KCNIP4: variants seen among roughly 807,000 people sequenced by gnomAD.
The protein encoded by KCNIP4 is potassium voltage-gated channel interacting protein 4.
A neutral mutation model predicts 34.0 loss-of-function variants in KCNIP4; 12 were observed. The observed-to-expected ratio is 0.35, with a 90% confidence interval of 0.23 to 0.57. The LOEUF is 0.57. KCNIP4 is among the 20% of genes least tolerant of loss of function. The pLI is 0.83. For synonymous variants in KCNIP4, 124 were observed against 102.2 expected, an observed-to-expected ratio of 1.21 and a Z score of -1.29; for missense variants, 238 against 311.7, an observed-to-expected ratio of 0.76 and a Z score of 1.78.
At chr4:21,747,770 C>G (rs1716871176) in intron 1 of KCNIP4, among the ~76,000 whole-genome samples, 2 of 152,216 alleles carry the variant, frequency 1.3e-5, no homozygotes, top group Non-Finnish European at 1.5e-5. Context: ...TCACACCCAC[C>G]TGGAATCTCA....
At chr4:21,213,679 A>G (rs1292198416) in intron 1 of KCNIP4, among the ~76,000 whole-genome samples, 1 of 152,156 alleles carries the variant, frequency 6.6e-6, no homozygotes, top group Admixed American at 6.5e-5. Flanking sequence ...CTTTGGGATT[A>G]CAGGCATAAA....
intron 1 of KCNIP4, among the ~76,000 whole-genome samples, chr4:21,198,566 G>C (rs972463471): frequency 1.3e-5 from 2 of 152,180 alleles, no homozygotes; most frequent in Non-Finnish European, 2.9e-5. Flanking sequence ...GCAGTCTCCT[G>C]TATGCAAGTC....
intron 1 of KCNIP4, among the ~76,000 whole-genome samples, chr4:21,002,062 T>A (rs891541318): frequency 3.9e-5 from 6 of 152,318 alleles, no homozygotes; most frequent in African/African-American, 1.4e-4. Flanking sequence ...ACAAGTCAAC[T>A]TTGTTATAGT....
intron 1 of KCNIP4, among the ~76,000 whole-genome samples, chr4:21,699,528 A>C (rs1712654410): frequency 6.6e-6 from 1 of 152,184 alleles, no homozygotes; most frequent in Admixed American, 6.5e-5. Flanking sequence ...TCTCTAAGAA[A>C]AGAAGTTAAG....
At chr4:21,620,117 C>G (rs1262456473) in intron 1 of KCNIP4, among the ~76,000 whole-genome samples, 1 of 152,138 alleles carries the variant, frequency 6.6e-6, no homozygotes, top group East Asian at 1.9e-4. Flanking sequence ...TCTGGAAATC[C>G]ATGAATGGAG....
intron 1 of KCNIP4, among the ~76,000 whole-genome samples, chr4:21,241,629 G>A (rs1056874896): frequency 1.3e-5 from 2 of 152,170 alleles, no homozygotes; most frequent in Admixed American, 1.3e-4. Context: ...TAGCTTGGGA[G>A]GGGAGGTTAA....
intron 1 of KCNIP4, among the ~76,000 whole-genome samples, chr4:21,662,964 C>T (rs911661757): frequency 1.3e-5 from 2 of 152,048 alleles, no homozygotes; most frequent in Non-Finnish European, 2.9e-5. Flanking sequence ...AAAGAAGAAA[C>T]TATTGATCAT....
At chr4:21,222,969 A>G (rs566884476) in intron 1 of KCNIP4, among the ~76,000 whole-genome samples, 6 of 152,334 alleles carry the variant, frequency 3.9e-5, no homozygotes, top group African/African-American at 1.4e-4. Context: ...GGCTTCCTGG[A>G]TTTGAACCCT....
chr4:21,257,623 G>A (rs1167174104), intron 1 of KCNIP4, among the ~76,000 whole-genome samples: 5 of 151,952 alleles, frequency 3.3e-5, no homozygotes, highest in African/African-American at 4.8e-5. Flanking sequence ...GGTGGCATGC[G>A]ACTGTAGTCC....
chr4:21,902,273 T>C (rs1727746171), intron 1 of KCNIP4, among the ~76,000 whole-genome samples: 1 of 152,150 alleles, frequency 6.6e-6, no homozygotes, highest in South Asian at 2.1e-4. Flanking sequence ...TTATTTATAT[T>C]ACAAATATTT....
chr4:21,315,710 G>A (rs1035337482), intron 1 of KCNIP4, among the ~76,000 whole-genome samples: 5 of 152,012 alleles, frequency 3.3e-5, no homozygotes, highest in African/African-American at 1.2e-4. Context: ...CAGAATCTAG[G>A]GCCATGTCTG....
chr4:21,578,179 C>T (rs1036890380), intron 1 of KCNIP4, among the ~76,000 whole-genome samples: 6 of 151,532 alleles, frequency 4.0e-5, no homozygotes, highest in African/African-American at 1.5e-4. Flanking sequence ...ACTAAAGATA[C>T]AAAAATTAGC....
At chr4:20,898,760 T>C (rs1453735489) in intron 1 of KCNIP4, among the ~76,000 whole-genome samples, 1 of 152,238 alleles carries the variant, frequency 6.6e-6, no homozygotes, top group Admixed American at 6.5e-5. Context: ...TATTTATGTC[T>C]ATATCTATAT....
intron 1 of KCNIP4, among the ~76,000 whole-genome samples, chr4:21,104,629 T>C (rs963257057): frequency 2.0e-5 from 3 of 152,134 alleles, no homozygotes; most frequent in Non-Finnish European, 2.9e-5. Flanking sequence ...TTGGCTTTTG[T>C]TGCCATTACT....
At chr4:21,361,942 C>T (rs949757335) in intron 1 of KCNIP4, among the ~76,000 whole-genome samples, 15 of 151,968 alleles carry the variant, frequency 9.9e-5, no homozygotes, top group African/African-American at 3.6e-4. Flanking sequence ...TTCAAAACTC[C>T]TCTATAACCC....
chr4:21,032,514 T>A (rs969978340), intron 1 of KCNIP4, among the ~76,000 whole-genome samples: 1 of 152,158 alleles, frequency 6.6e-6, no homozygotes, highest in African/African-American at 2.4e-5. Flanking sequence ...GCATTCTTGA[T>A]GTTATTCAAG....
In KCNIP4 at chr4:21,680,594, C is replaced by T. The variant is rs186071023; in HGVS notation, c.61+267977G>A. On this transcript the variant is annotated intron_variant, in intron 1 of 8. Coordinates refer to ENST00000382152, the MANE Select transcript of KCNIP4 (RefSeq NM_025221.6). ...GACAGTTATAGCCTTATGAAAAGTG[C>T]TTCTTCAGTAATAAGACTTGGAAGT... 2.1e-3 allele frequency among the ~76,000 whole-genome samples: 317 copies of T among 152,258 alleles called. 5 individuals carry two copies. Among genetic ancestry groups the T allele is most frequent in the African/African-American group, 7.3e-3 (302 of 41,542 alleles).
chr4:21,467,100 A>AGG, intron 1 of KCNIP4, among the ~76,000 whole-genome samples: 1 of 148,188 alleles, frequency 6.7e-6, no homozygotes, highest in African/African-American at 2.5e-5. Context: ...ACACACACAC[A>AGG]CACACACACA....
intron 1 of KCNIP4, among the ~76,000 whole-genome samples, chr4:21,261,860 C>T (rs2109106900): frequency 6.6e-6 from 1 of 152,288 alleles, no homozygotes; most frequent in African/African-American, 2.4e-5. Flanking sequence ...CTCTTTCCTT[C>T]CACTCCAATT....
Sources: gnomAD v4.1 joint callset for allele counts (sites outside exome capture counted in the v4.1 genomes callset) on GRCh38, gnomAD v4.1.1 for gene constraint, MANE v1.5 for transcripts, NCBI Gene and HGNC (gene_info 2026-07-23, HGNC 2026-07-21) for gene names.